Variants in SVOPL observed in about 807,000 individuals in gnomAD.
SVOPL encodes the protein SVOP like.
Under a neutral mutation model 61.0 loss-of-function variants are expected in SVOPL, and 60 were observed. The ratio of observed to expected loss-of-function variants is 0.98; its 90% CI spans 0.80 to 1.22. The LOEUF (loss-of-function observed/expected upper bound fraction) is 1.22. Ranked by LOEUF, SVOPL falls within the 50% of genes most tolerant of loss-of-function variation. The probability of loss-of-function intolerance (pLI) is 0.00; values close to 1 mark genes in which losing one functional copy is unlikely to be tolerated. For missense variants in SVOPL, 662 were observed against 643.9 expected, an observed-to-expected ratio of 1.03 and a Z score of -0.30; for synonymous variants, 279 against 250.0, an observed-to-expected ratio of 1.12 and a Z score of -1.09.
intron 4 of SVOPL, among the ~76,000 whole-genome samples, chr7:138,668,969 GTTC>G (rs1344490351): frequency 3.3e-5 from 5 of 152,310 alleles, no homozygotes; most frequent in African/African-American, 9.6e-5. Flanking sequence ...TGGGCTCACA[GTTC>G]TTCTATTAAG....
chr7:138,683,806 C>T (rs1802748746), intron 1 of SVOPL, among the ~76,000 whole-genome samples: 2 of 151,752 alleles, frequency 1.3e-5, no homozygotes, highest in Admixed American at 6.6e-5. Flanking sequence ...GTAATCCCAG[C>T]GTTTTGTGAG....
intron 6 of SVOPL, among the ~76,000 whole-genome samples, chr7:138,658,306 G>A (rs533373760): frequency 2.0e-5 from 3 of 152,132 alleles, no homozygotes; most frequent in African/African-American, 7.2e-5. Flanking sequence ...CCTTTTACAA[G>A]AGGAGTCTTA....
At chr7:138,597,432 T>G (rs1361466138) in intron 14 of SVOPL, among the ~76,000 whole-genome samples, 2 of 152,196 alleles carry the variant, frequency 1.3e-5, no homozygotes, top group East Asian at 3.9e-4. Flanking sequence ...GCTTCTCTTA[T>G]GATACACAAT....
chr7:138,630,367 A>G (rs1310531114), intron 9 of SVOPL, among the ~76,000 whole-genome samples: 2 of 152,196 alleles, frequency 1.3e-5, no homozygotes, highest in Non-Finnish European at 2.9e-5. Context: ...CACTGAACTT[A>G]AGATCCTAAC....
intron 9 of SVOPL, among the ~76,000 whole-genome samples, chr7:138,635,529 C>T (rs933240191): frequency 2.6e-5 from 4 of 151,948 alleles, no homozygotes; most frequent in African/African-American, 7.3e-5. Context: ...CGAACCACCA[C>T]ACCCAGCCAG....
chr7:138,605,198 A>G (rs2116777825), intron 14 of SVOPL, among the ~76,000 whole-genome samples: 1 of 151,952 alleles, frequency 6.6e-6, no homozygotes, highest in African/African-American at 2.4e-5. Flanking sequence ...ATTTAAAAAA[A>G]AAAAAAAAAA....
chr7:138,629,314 T>A (rs1800060406), intron 10 of SVOPL, among the ~76,000 whole-genome samples: 1 of 151,014 alleles, frequency 6.6e-6, no homozygotes, highest in Admixed American at 6.6e-5. Context: ...CACTGCAACC[T>A]CCACCTCCTG....
intron 9 of SVOPL, among the ~76,000 whole-genome samples, chr7:138,634,701 G>A (rs1193850738): frequency 7.7e-6 from 1 of 130,464 alleles, no homozygotes; most frequent in African/African-American, 3.0e-5. Context: ...GGTGGCACAT[G>A]CCTGCAATTC....
chr7:138,671,198 T>C (rs1263057523), intron 4 of SVOPL, among the ~76,000 whole-genome samples: 2 of 152,156 alleles, frequency 1.3e-5, no homozygotes, highest in Non-Finnish European at 2.9e-5. Flanking sequence ...CCTCTGCAGC[T>C]TCACCTCCCA....
chr7:138,687,225 C>G (rs1209650334), intron 1 of SVOPL, among the ~76,000 whole-genome samples: 3 of 136,644 alleles, frequency 2.2e-5, no homozygotes, highest in Non-Finnish European at 4.7e-5. Context: ...TTCCTTTTTT[C>G]CTCTTTTTTT....
intron 14 of SVOPL, among the ~76,000 whole-genome samples, chr7:138,617,230 A>G (rs1441013826): frequency 6.6e-6 from 1 of 152,206 alleles, no homozygotes; most frequent in African/African-American, 2.4e-5. Context: ...TTGGCCTCCC[A>G]AAGTGCTGGG....
chr7:138,594,456 A>T lies in SVOPL; in HGVS notation c.*154T>A. ...TCAAGGAAGAGATCAATATACAGTT[A>T]CCTACCCCATTCCCATATATGCCTT... On this transcript the variant is annotated 3_prime_UTR_variant, in exon 16 of 16. Coordinates refer to ENST00000674285, the MANE Select transcript of SVOPL (RefSeq NM_001139456.2). 2.0e-6 allele frequency: 1 copy of T among 499,840 alleles called. No homozygotes were observed. Among genetic ancestry groups the T allele is most frequent in the Non-Finnish European group, 3.5e-6 (1 of 285,836 alleles). The allele number at this position is 499,840 out of a possible 1,614,324, so 31.0% of individuals were successfully genotyped here. A position where few individuals can be genotyped will look rare whatever the true frequency, so the allele number is the denominator to read the frequency against.
At chr7:138,637,003 C>T (rs1297633150) in intron 9 of SVOPL, among the ~76,000 whole-genome samples, 1 of 152,106 alleles carries the variant, frequency 6.6e-6, no homozygotes, top group Non-Finnish European at 1.5e-5. Context: ...ACCTGTCTAT[C>T]CTTTTCTTGA....
chr7:138,674,855 C>CA lies in SVOPL; in HGVS notation c.175-2739dup, dbSNP rs34086254. Among the ~76,000 whole-genome samples, 516 of 134,438 alleles carry CA rather than the reference C, an allele frequency of 3.8e-3. 1 individual carries two copies. The highest frequency in any genetic ancestry group is 5.7e-3 in the South Asian group (24 of 4,214). 88.2% of individuals were successfully genotyped at this position (134,438 alleles called of 152,430 possible). On this transcript the variant is annotated intron_variant, in intron 3 of 15. Transcript: ENST00000674285. The stretch of plus-strand genomic sequence containing the variant: ...TGGGCAACGGAGTGAGACTCCATCT[C>CA]AAAAAAAAAAAAAAAAGATACTTGA...
chr7:138,672,394 T>C (rs1302675775), intron 3 of SVOPL, among the ~76,000 whole-genome samples: 2 of 152,126 alleles, frequency 1.3e-5, no homozygotes, highest in African/African-American at 2.4e-5. Flanking sequence ...TGCAGTTGCA[T>C]GGTAGCACTA....
Position 138,596,418 on chromosome 7 carries a change from T to C in SVOPL, c.1466A>G (p.Gln489Arg), listed in dbSNP as rs781683701. Residue 489 changes from glutamine to arginine, a missense_variant and splice_region_variant, in exon 15 of 16, where the codon CAG (glutamine) becomes CGG (arginine). Coordinates refer to ENST00000674285, the MANE Select transcript of SVOPL (RefSeq NM_001139456.2). ...TTCAGAGTTCCCTGCATCACTCACCTGGAGGGCCCGTCCTTTGGTTTCGAT... is the reference window on the plus strand; with the variant it reads ...TTCAGAGTTCCCTGCATCACTCACCCGGAGGGCCCGTCCTTTGGTTTCGAT... ...LPIETKGRAL[Q>R]QIK The C allele has an allele frequency of 1.9e-5, 31 of 1,613,508 alleles. No homozygotes were observed. The highest frequency in any genetic ancestry group is 2.6e-5 in the Non-Finnish European group (31 of 1,179,720).
chr7:138,678,904 T>A, intron 2 of SVOPL, 60 bp downstream of exon 2: 1 of 1,504,262 alleles, frequency 6.6e-7, no homozygotes, highest in Non-Finnish European at 9.0e-7. Flanking sequence ...CATTTAACCT[T>A]AAAAAGGATT....
intron 1 of SVOPL, among the ~76,000 whole-genome samples, chr7:138,680,361 C>T (rs988847708): frequency 2.6e-5 from 4 of 152,126 alleles, no homozygotes; most frequent in Admixed American, 6.6e-5. Flanking sequence ...GTTGGCCAGG[C>T]AGGTCCCAAA....
intron 4 of SVOPL, among the ~76,000 whole-genome samples, chr7:138,671,040 A>T (rs1008405326): frequency 4.6e-5 from 7 of 152,230 alleles, no homozygotes; most frequent in Non-Finnish European, 8.8e-5. Context: ...TTTGGTTATA[A>T]GAAATGGCAA....
Sources: gnomAD v4.1 joint callset for allele counts (sites outside exome capture counted in the v4.1 genomes callset) on GRCh38, gnomAD v4.1.1 for gene constraint, MANE v1.5 for transcripts, NCBI Gene and HGNC (gene_info 2026-07-23, HGNC 2026-07-21) for gene names.